CDH13: variants seen among roughly 807,000 people sequenced by gnomAD.
The protein encoded by CDH13 is cadherin-13.
In CDH13, 24 loss-of-function variants were observed where a neutral mutation model predicts 63.8. The ratio of observed to expected loss-of-function variants is 0.38; its 90% CI spans 0.27 to 0.53. CDH13 has a LOEUF of 0.53. Ranked by LOEUF, CDH13 falls within the 20% of genes least tolerant of loss-of-function variation. CDH13 has a pLI of 0.85. For missense variants in CDH13, 1,049 were observed against 903.1 expected (o/e 1.16, Z -2.07); for synonymous variants, 503 against 355.3 (o/e 1.42, Z -4.67).
chr16:83,771,262 A>T (rs1914742126), intron 11 of CDH13, among the ~76,000 whole-genome samples: 1 of 152,214 alleles, frequency 6.6e-6, no homozygotes, highest in Admixed American at 6.5e-5. Context: ...AGTGTAAGTC[A>T]TGAGCCAACC....
chr16:83,665,892 C>A (rs902259393), intron 8 of CDH13, among the ~76,000 whole-genome samples: 1 of 152,192 alleles, frequency 6.6e-6, no homozygotes, highest in Non-Finnish European at 1.5e-5. Context: ...CCTCTTCCTA[C>A]TTGTGATTGT....
intron 2 of CDH13, among the ~76,000 whole-genome samples, chr16:82,909,730 C>T (rs1050877836): frequency 1.3e-5 from 2 of 152,196 alleles, no homozygotes; most frequent in South Asian, 2.1e-4. Flanking sequence ...TACCTCCCAC[C>T]GGGTTCCTCC....
At chr16:82,835,326 A>G (rs1291071254) in intron 1 of CDH13, among the ~76,000 whole-genome samples, 1 of 152,180 alleles carries the variant, frequency 6.6e-6, no homozygotes, top group Non-Finnish European at 1.5e-5. Context: ...TCCTTCTGAC[A>G]TTCACAGGGA....
chr16:83,624,195 C>G (rs1205687300), intron 8 of CDH13, among the ~76,000 whole-genome samples: 1 of 152,146 alleles, frequency 6.6e-6, no homozygotes, highest in Admixed American at 6.5e-5. Context: ...TCTGACAGCC[C>G]TGATGCCTTA....
chr16:83,636,459 C>G (rs1911274037), intron 8 of CDH13, among the ~76,000 whole-genome samples: 1 of 152,048 alleles, frequency 6.6e-6, no homozygotes, highest in Admixed American at 6.5e-5. Context: ...TTTGGAGCCC[C>G]CAGTATCTAT....
intron 4 of CDH13, among the ~76,000 whole-genome samples, chr16:83,214,200 G>A (rs1474556972): frequency 6.6e-6 from 1 of 152,088 alleles, no homozygotes; most frequent in Admixed American, 6.6e-5. Flanking sequence ...CAGAGAAGAG[G>A]TGAGTGTGCT....
At chr16:83,154,682 C>T (rs904777924) in intron 4 of CDH13, among the ~76,000 whole-genome samples, 9 of 152,120 alleles carry the variant, frequency 5.9e-5, no homozygotes, top group Non-Finnish European at 8.8e-5. Flanking sequence ...CTAAGCAACT[C>T]TCAGGTACCA....
At chr16:83,210,867 A>T (rs1444267654) in intron 4 of CDH13, among the ~76,000 whole-genome samples, 2 of 151,174 alleles carry the variant, frequency 1.3e-5, no homozygotes, top group Non-Finnish European at 3.0e-5. Flanking sequence ...AGGTTACTAG[A>T]GGCCGGGCGT....
chr16:83,455,492 C>T (rs2072998269), intron 6 of CDH13, among the ~76,000 whole-genome samples: 2 of 152,062 alleles, frequency 1.3e-5, no homozygotes, highest in South Asian at 4.1e-4. Flanking sequence ...TTTAGTGCAC[C>T]TTCTGGATTT....
intron 6 of CDH13, among the ~76,000 whole-genome samples, chr16:83,484,649 A>C (rs1267174311): frequency 6.6e-6 from 1 of 152,260 alleles, no homozygotes; most frequent in Non-Finnish European, 1.5e-5. Flanking sequence ...GACCATGCCA[A>C]ATCCCAATCC....
At chr16:83,766,986 A>G (rs935890411) in intron 11 of CDH13, among the ~76,000 whole-genome samples, 1 of 152,162 alleles carries the variant, frequency 6.6e-6, no homozygotes, top group Non-Finnish European at 1.5e-5. Context: ...AGGCCTCCCC[A>G]GCAACTCGGA....
At chr16:83,586,643 C>A (rs913921789) in intron 7 of CDH13, among the ~76,000 whole-genome samples, 2 of 152,188 alleles carry the variant, frequency 1.3e-5, no homozygotes, top group African/African-American at 4.8e-5. Context: ...AAAATGACTG[C>A]TGGAGCCCAG....
At chr16:83,132,886 C>G (rs564129639) in intron 4 of CDH13, among the ~76,000 whole-genome samples, 18 of 152,278 alleles carry the variant, frequency 1.2e-4, no homozygotes, top group Admixed American at 5.2e-4. Context: ...TTTCTACATT[C>G]AGCAGCCATA....
chr16:83,783,273 C>A lies in CDH13; in HGVS notation c.1935C>A (p.Ser645Arg). The A allele has an allele frequency of 6.2e-7, 1 of 1,613,778 alleles. No individual in the cohort carries two copies. Among genetic ancestry groups the A allele is most frequent in the Non-Finnish European group, 8.5e-7 (1 of 1,179,710 alleles). ...TTACAGATACACACGCCCTGGTAAG[C>A]CTTCTTCAAAATCTGAACAAAGCAA... Reference protein sequence around the residue: ...SKINNTHALVSLLQNLNKANY... With the variant: ...SKINNTHALVRLLQNLNKANY... The change falls in exon 13 of 14, where the codon AGC becomes AGA. Residue 645 changes from serine (S) to arginine (R), a missense_variant. By Grantham distance (110) the Ser-to-Arg change is moderately radical. Transcript: ENST00000567109.
At chr16:82,720,450 C>T (rs1310885426) in intron 1 of CDH13, among the ~76,000 whole-genome samples, 2 of 152,168 alleles carry the variant, frequency 1.3e-5, no homozygotes, top group Non-Finnish European at 2.9e-5. Context: ...AAAGCCTCTG[C>T]TAGCACAGGG....
intron 8 of CDH13, among the ~76,000 whole-genome samples, chr16:83,623,415 C>T (rs1398519426): frequency 6.6e-6 from 1 of 152,198 alleles, no homozygotes; most frequent in Admixed American, 6.5e-5. Context: ...CAATCGGTTT[C>T]TGCGTCTTCT....
chr16:83,180,709 A>T (rs138594568), intron 4 of CDH13, among the ~76,000 whole-genome samples: 6 of 152,336 alleles, frequency 3.9e-5, no homozygotes, highest in African/African-American at 1.4e-4. Flanking sequence ...TAATTATTAG[A>T]CTATGCATGC....
chr16:83,723,663 C>G (rs1255349370), intron 10 of CDH13, among the ~76,000 whole-genome samples: 2 of 152,234 alleles, frequency 1.3e-5, no homozygotes, highest in Non-Finnish European at 2.9e-5. Context: ...AGAGCACATA[C>G]CACTCTCTGA....
At chr16:82,961,405 C>T (rs1342556460) in intron 2 of CDH13, among the ~76,000 whole-genome samples, 3 of 152,082 alleles carry the variant, frequency 2.0e-5, no homozygotes. Flanking sequence ...TTTCTTTAGG[C>T]TTCTTTCCAC....
Sources: allele counts gnomAD v4.1 joint callset (sites outside exome capture counted in the v4.1 genomes callset), GRCh38; gene constraint gnomAD v4.1.1; transcripts MANE v1.5; gene names NCBI Gene and HGNC (gene_info 2026-07-23, HGNC 2026-07-21).